TTC29: variants seen among roughly 807,000 people sequenced by gnomAD.
TTC29 encodes the protein tetratricopeptide repeat domain 29, also known as tetratricopeptide repeat protein 29.
In TTC29, 49 loss-of-function variants were observed where a neutral mutation model predicts 58.1. That is an observed-to-expected ratio of 0.84 (90% CI 0.67 to 1.07). TTC29 has a LOEUF of 1.07. TTC29 is among the 50% of genes least tolerant of loss of function. The pLI is 0.00. For missense variants in TTC29, 582 were observed against 555.6 expected (o/e 1.05, Z -0.48); for synonymous variants, 209 against 196.8 (o/e 1.06, Z -0.52).
intron 2 of TTC29, among the ~76,000 whole-genome samples, chr4:146,941,443 ACT>A: frequency 6.6e-6 from 1 of 152,236 alleles, no homozygotes; most frequent in Admixed American, 6.5e-5. Context: ...AAAAGACAAA[ACT>A]CTCTGATTTC....
chr4:146,827,464 G>A (rs1384338242), intron 9 of TTC29, among the ~76,000 whole-genome samples: 1 of 152,114 alleles, frequency 6.6e-6, no homozygotes, highest in East Asian at 1.9e-4. Context: ...AACCTCCCAA[G>A]GTTTGGAAAA....
At chr4:146,751,582 T>A (rs575879283) in intron 11 of TTC29, among the ~76,000 whole-genome samples, 2 of 151,940 alleles carry the variant, frequency 1.3e-5, no homozygotes. Context: ...TTAAACAACA[T>A]CCTCCTGAGC....
intron 6 of TTC29, among the ~76,000 whole-genome samples, chr4:146,877,539 C>A (rs994823406): frequency 2.0e-5 from 3 of 152,116 alleles, no homozygotes; most frequent in African/African-American, 4.8e-5. Flanking sequence ...ACACCTTGCT[C>A]CAAATACCCA....
chr4:146,748,789 A>G (rs1007817094), intron 11 of TTC29, among the ~76,000 whole-genome samples: 4 of 152,192 alleles, frequency 2.6e-5, no homozygotes, highest in Non-Finnish European at 5.9e-5. Flanking sequence ...AGAAGAGGTG[A>G]CCAAATGTGC....
intron 11 of TTC29, among the ~76,000 whole-genome samples, chr4:146,787,466 A>C (rs1749107751): frequency 6.6e-6 from 1 of 152,230 alleles, no homozygotes. Context: ...TGTTCCCTCC[A>C]AAGTGGGAAA....
Position 146,903,633 on chromosome 4 carries a change from C to T in TTC29, c.497G>A (p.Cys166Tyr). The change falls in exon 6 of 13, where the codon TGT (cysteine) becomes TAT (tyrosine). Residue 166 changes from cysteine to tyrosine, a missense_variant. By Grantham distance (194) the Cys-to-Tyr change is radical. Coordinates refer to ENST00000325106, the MANE Select transcript of TTC29 (RefSeq NM_031956.4). Reference sequence around the variant, plus strand: ...TTTGATCAGCTGAGCAATCTTAAAACATCGTTCATAGAAGTGGTTCCTTAC... The same window carrying T: ...TTTGATCAGCTGAGCAATCTTAAAATATCGTTCATAGAAGTGGTTCCTTAC... ...KWVRNHFYERCFKIAQLIKID... is the reference protein window; with the variant it reads ...KWVRNHFYERYFKIAQLIKID... 1 of 1,613,070 alleles carries T rather than the reference C, an allele frequency of 6.2e-7. No homozygotes were observed. Among genetic ancestry groups the T allele is most frequent in the Non-Finnish European group, 8.5e-7 (1 of 1,179,478 alleles).
chr4:146,920,070 G>T (rs1019236834), intron 4 of TTC29, among the ~76,000 whole-genome samples: 2 of 150,860 alleles, frequency 1.3e-5, no homozygotes, highest in East Asian at 1.9e-4. Flanking sequence ...TATTCACCCC[G>T]CCTTTTATCC....
rs116837230 is a variant in TTC29 at position 146,880,619 on chromosome 4, A to G, written c.587-5691T>C. Among the ~76,000 whole-genome samples, 1,335 of 152,284 alleles carry G rather than the reference A, an allele frequency of 8.8e-3. 18 individuals carry two copies. Among genetic ancestry groups the G allele is most frequent in the African/African-American group, 0.031 (1,284 of 41,572 alleles). On this transcript the variant is annotated intron_variant, in intron 6 of 12. Transcript: ENST00000325106. The stretch of plus-strand genomic sequence containing the variant: ...ATTTGTTGTATCACAGCAGATGTCT[A>G]GAACAAATATTAAGCAAAGGAGAAT...
At position 146,874,846 on chromosome 4, in the gene TTC29, G is replaced by A. The variant is rs1174866951; in HGVS notation, c.669C>T (p.Arg223=). The change falls in exon 7 of 13, where the codon CGC becomes CGT. Residue 223 remains arginine, a synonymous_variant. Coordinates refer to ENST00000325106, the MANE Select transcript of TTC29 (RefSeq NM_031956.4). ...QGRIWKDETG[R]SLNLLACESL... is the part of the protein sequence containing the mutation. ...TCTCACAGGCCAACAAGTTGAGAGAGCGGCCTGTCTCATCCTTCCATATCC... is the reference window on the plus strand; with the variant it reads ...TCTCACAGGCCAACAAGTTGAGAGAACGGCCTGTCTCATCCTTCCATATCC... The A allele has an allele frequency of 1.2e-6, 2 of 1,613,414 alleles. No individual in the cohort carries two copies. Among genetic ancestry groups the A allele is most frequent in the South Asian group, 1.1e-5 (1 of 91,044 alleles).
chr4:146,850,429 C>A (rs990742794), intron 8 of TTC29, among the ~76,000 whole-genome samples: 2 of 152,190 alleles, frequency 1.3e-5, no homozygotes, highest in East Asian at 1.9e-4. Context: ...GACAATGCCA[C>A]CATGCAGGCT....
chr4:146,800,941 G>A (rs566014417), intron 11 of TTC29, among the ~76,000 whole-genome samples: 50 of 152,270 alleles, frequency 3.3e-4, no homozygotes, highest in African/African-American at 1.2e-3. Context: ...TTCAATGTGG[G>A]ACAGAGAAGA....
intron 8 of TTC29, among the ~76,000 whole-genome samples, chr4:146,837,042 T>G (rs888091140): frequency 3.3e-5 from 5 of 152,056 alleles, no homozygotes; most frequent in Non-Finnish European, 7.4e-5. Context: ...GACACATGCA[T>G]GCAAATGTTC....
intron 11 of TTC29, among the ~76,000 whole-genome samples, chr4:146,751,417 C>T (rs1331624275): frequency 6.6e-6 from 1 of 152,162 alleles, no homozygotes; most frequent in Non-Finnish European, 1.5e-5. Context: ...ACATTTTTCA[C>T]TAGTGGACAT....
At chr4:146,708,355 T>TATATATATAC (rs1197518357) in intron 11 of TTC29, among the ~76,000 whole-genome samples, 5 of 19,874 alleles carry the variant, frequency 2.5e-4, no homozygotes, top group Non-Finnish European at 3.6e-4. Context: ...TATATATATA[T>TATATATATAC]ACACATGTAT....
chr4:146,898,491 A>G (rs1732924090), intron 6 of TTC29, among the ~76,000 whole-genome samples: 1 of 152,238 alleles, frequency 6.6e-6, no homozygotes, highest in Admixed American at 6.5e-5. Context: ...TCCCCCAGTC[A>G]TTGGAAGAAC....
chr4:146,746,121 G>T (rs1241843329), intron 11 of TTC29, among the ~76,000 whole-genome samples: 1 of 152,118 alleles, frequency 6.6e-6, no homozygotes, highest in African/African-American at 2.4e-5. Context: ...CTAGCCTTCA[G>T]CTTGTAGATT....
intron 11 of TTC29, among the ~76,000 whole-genome samples, chr4:146,777,053 G>A (rs1748157695): frequency 6.6e-6 from 1 of 152,158 alleles, no homozygotes; most frequent in Non-Finnish European, 1.5e-5. Context: ...TCTTTGCCAT[G>A]TTCACACCAG....
intron 8 of TTC29, among the ~76,000 whole-genome samples, chr4:146,854,619 G>A (rs1490579320): frequency 1.3e-5 from 2 of 151,992 alleles, no homozygotes; most frequent in African/African-American, 4.8e-5. Flanking sequence ...TCCCTAAAGA[G>A]TTTTTCTGGG....
rs142232715 is a variant in TTC29 at position 146,865,454 on chromosome 4, C to T, written c.885+2044G>A. ...CAGAAAATCAAATACCACTTGTTCT[C>T]ACTTACAAGTGGGAGCTAAACCTTG... On this transcript the variant is annotated intron_variant, in intron 8 of 12. Coordinates refer to ENST00000325106, the MANE Select transcript of TTC29 (RefSeq NM_031956.4). Among the ~76,000 whole-genome samples the T allele has an allele frequency of 8.7e-3, 1,330 of 152,222 alleles. 18 individuals carry two copies. Among genetic ancestry groups the T allele is most frequent in the African/African-American group, 0.031 (1,279 of 41,546 alleles).
Sources: gnomAD v4.1 joint callset for allele counts (sites outside exome capture counted in the v4.1 genomes callset) on GRCh38, gnomAD v4.1.1 for gene constraint, MANE v1.5 for transcripts, NCBI Gene and HGNC (gene_info 2026-07-23, HGNC 2026-07-21) for gene names.